PCM1: variants seen among roughly 807,000 people sequenced by gnomAD.
PCM1 encodes the protein pericentriolar material 1, also known as pericentriolar material 1 protein.
In PCM1, 157 loss-of-function variants were observed where a neutral mutation model predicts 241.9. That is an observed-to-expected ratio of 0.65 (90% CI 0.57 to 0.74). The LOEUF is 0.74. PCM1 is among the 30% of genes least tolerant of loss of function. The pLI is 0.00. For synonymous variants in PCM1, 1,085 were observed against 784.9 expected (o/e 1.38, Z -6.39); for missense variants, 3,478 against 2,360.1 (o/e 1.47, Z -9.81).
intron 29 of PCM1, among the ~76,000 whole-genome samples, chr8:17,996,331 T>G (rs770730259): frequency 6.6e-6 from 1 of 152,228 alleles, no homozygotes. Flanking sequence ...ATATGATGTA[T>G]TACATTGATT....
intron 28 of PCM1, 148 bp downstream of exon 28, chr8:17,991,848 AC>A (rs1047675350): frequency 5.9e-6 from 3 of 507,384 alleles, no homozygotes; most frequent in East Asian, 3.2e-5. Context: ...TTGATCCCTC[AC>A]CCCCTTCCCA....
chr8:17,999,124 C>G (rs908437634), intron 29 of PCM1, among the ~76,000 whole-genome samples: 2 of 152,062 alleles, frequency 1.3e-5, no homozygotes, highest in East Asian at 3.9e-4. Flanking sequence ...ATCCCAGGAG[C>G]CTGCTTGGTG....
chr8:17,963,372 C>A, intron 17 of PCM1, 81 bp downstream of exon 17: 1 of 954,662 alleles, frequency 1.0e-6, no homozygotes, highest in Non-Finnish European at 1.6e-6. Flanking sequence ...CACATTTCTC[C>A]TCTACATCAC....
chr8:17,966,713 A>G (rs2129469775), intron 20 of PCM1, among the ~76,000 whole-genome samples: 1 of 152,332 alleles, frequency 6.6e-6, no homozygotes, highest in African/African-American at 2.4e-5. Context: ...TGGTGTGTAA[A>G]TTGTACCACA....
At chr8:17,996,963 T>G (rs1201848395) in intron 29 of PCM1, among the ~76,000 whole-genome samples, 1 of 152,178 alleles carries the variant, frequency 6.6e-6, no homozygotes, top group Admixed American at 6.5e-5. Flanking sequence ...TACAGTGTTA[T>G]AATATTCTGT....
intron 6 of PCM1, 62 bp from the exon 7 acceptor site, chr8:17,947,124 A>C (rs892263368): frequency 7.6e-6 from 8 of 1,047,634 alleles, no homozygotes; most frequent in Admixed American, 2.4e-5. Context: ...TGCCATTGAT[A>C]ATTGAAACCG....
chr8:17,967,226 T>C, intron 21 of PCM1, 56 bp downstream of exon 21: 1 of 1,239,316 alleles, frequency 8.1e-7, no homozygotes, highest in African/African-American at 1.5e-5. Flanking sequence ...TGGAACAACG[T>C]AATTTGTCTA....
chr8:17,964,159 T>C (rs1435519240), intron 17 of PCM1, among the ~76,000 whole-genome samples: 1 of 152,230 alleles, frequency 6.6e-6, no homozygotes, highest in East Asian at 1.9e-4. Flanking sequence ...TCAGTCATAT[T>C]AGCTGCATTT....
chr8:17,968,762 G>GTGTGTGTGTGTGTA (rs373502456), intron 21 of PCM1, among the ~76,000 whole-genome samples: 94 of 136,772 alleles, frequency 6.9e-4, no homozygotes, highest in Middle Eastern at 4.0e-3. Context: ...GTGTGTGTGT[G>GTGTGTGTGTGTGTA]TATATATATA....
chr8:17,939,035 A>G (rs769172320), intron 5 of PCM1, 26 bp downstream of exon 5: 4 of 1,610,480 alleles, frequency 2.5e-6, no homozygotes, highest in Non-Finnish European at 3.4e-6. Flanking sequence ...TCTTTTGCTC[A>G]TTCTTTACAC....
At position 17,993,443 on chromosome 8, in the gene PCM1, A is replaced by G. The variant is rs960858177; in HGVS notation, c.4691-40A>G. The G allele has an allele frequency of 4.9e-6, 7 of 1,426,380 alleles. No homozygotes were observed. The African/African-American group carries it at 7.2e-5, about 15-fold the overall frequency. 88.4% of individuals were successfully genotyped at this position (1,426,380 alleles called of 1,614,324 possible). A position where few individuals can be genotyped will look rare whatever the true frequency, so the allele number is the denominator to read the frequency against. ...ATAAAGGCATATATGTATATATAAT[A>G]GGCTTTGTTAGGCTAATGTATTTTC... On this transcript the variant is annotated intron_variant, in intron 28 of 38. Coordinates refer to ENST00000325083, the MANE Select transcript of PCM1 (RefSeq NM_006197.4).
chr8:18,010,760 A>G, intron 32 of PCM1, 92 bp downstream of exon 32: 1 of 800,276 alleles, frequency 1.2e-6, no homozygotes, highest in Non-Finnish European at 2.0e-6. Flanking sequence ...AGGCGGGTGG[A>G]TCACGAGGTC....
intron 4 of PCM1, 121 bp from the exon 5 acceptor site, chr8:17,938,619 A>C (rs563426801): frequency 1.8e-5 from 12 of 670,250 alleles, no homozygotes; most frequent in Non-Finnish European, 3.1e-5. Context: ...TCTTAGTGCA[A>C]AGCTCTTTGT....
rs77247841 is a variant in PCM1 at position 17,927,124 on chromosome 8, A to ATTTTTTTTTTTTTTTTTTTTTTTTT, written c.-23+2363_-23+2364insTTTTTTTTTTTTTTTTTTTTTTTTT. On this transcript the variant is annotated intron_variant, in intron 2 of 38. Transcript: ENST00000325083. ...ATTTTTTTCGTTACTGATCACTTTG[A>ATTTTTTTTTTTTTTTTTTTTTTTTT]TTTTTTTTTTTTTTTTTTTGGAGAC... The ATTTTTTTTTTTTTTTTTTTTTTTTT allele has an allele frequency of 1.6e-4, 21 of 130,424 alleles. 1 individual carries two copies. Among genetic ancestry groups the ATTTTTTTTTTTTTTTTTTTTTTTTT allele is most frequent in the Non-Finnish European group, 2.8e-4 (17 of 59,722 alleles). 8.1% of individuals were successfully genotyped at this position (130,424 alleles called of 1,614,324 possible). A position where few individuals can be genotyped will look rare whatever the true frequency, so the allele number is the denominator to read the frequency against.
intron 23 of PCM1, among the ~76,000 whole-genome samples, chr8:17,978,008 A>G (rs1358457935): frequency 1.3e-5 from 2 of 152,172 alleles, no homozygotes; most frequent in Non-Finnish European, 2.9e-5. Flanking sequence ...CCTAGTGAAA[A>G]TAGAATTATT....
At position 17,957,257 on chromosome 8, in the gene PCM1, C is replaced by G; in HGVS notation, c.1647-7C>G. On this transcript the variant is annotated splice_polypyrimidine_tract_variant and splice_region_variant and intron_variant, in intron 11 of 38. Transcript: ENST00000325083. ...TAAATGACTTCAGGCTGTTTTCTTTCTTCTAGAAATCCACAAGTAGCTTCC... is the reference window on the plus strand; with the variant it reads ...TAAATGACTTCAGGCTGTTTTCTTTGTTCTAGAAATCCACAAGTAGCTTCC... 6.4e-7 allele frequency: 1 copy of G among 1,574,026 alleles called. No homozygotes were observed. Among genetic ancestry groups the G allele is most frequent in the Non-Finnish European group, 8.6e-7 (1 of 1,160,082 alleles).
intron 22 of PCM1, among the ~76,000 whole-genome samples, chr8:17,971,872 T>C (rs2076967391): frequency 6.6e-6 from 1 of 152,048 alleles, no homozygotes; most frequent in African/African-American, 2.4e-5. Context: ...GCCCCCTGAG[T>C]GTCTAGGACT....
chr8:17,938,700 G>A, intron 4 of PCM1, 40 bp from the exon 5 acceptor site: 1 of 1,537,926 alleles, frequency 6.5e-7, no homozygotes, highest in Non-Finnish European at 9.0e-7. Flanking sequence ...TTTGTCATAA[G>A]GTTAATGTTT....
In PCM1 at chr8:17,955,570, A is replaced by G. The variant is rs2067934014; in HGVS notation, c.1389A>G (p.Ser463=). ...VVNGESNSLT[S]SVPYPTASLV... is the part of the protein sequence containing the mutation. ...ATGGAGAATCCAATAGCCTCACATC[A>G]TCTGTTCCTTATCCTACTGCTTCTC... Residue 463 remains serine (S), a synonymous_variant, in exon 10 of 39, where the codon TCA becomes TCG. Transcript: ENST00000325083. 2 of 1,613,748 alleles carry G rather than the reference A, an allele frequency of 1.2e-6. No homozygotes were observed. Among genetic ancestry groups the G allele is most frequent in the Non-Finnish European group, 1.7e-6 (2 of 1,179,696 alleles).
Sources: allele counts gnomAD v4.1 joint callset (sites outside exome capture counted in the v4.1 genomes callset), GRCh38; gene constraint gnomAD v4.1.1; transcripts MANE v1.5; gene names NCBI Gene and HGNC (gene_info 2026-07-23, HGNC 2026-07-21).